KLHL3: variants seen among roughly 807,000 people sequenced by gnomAD.
The protein encoded by KLHL3 is kelch like family member 3.
KLHL3 carries 19 observed loss-of-function variants against 70.5 expected under a neutral mutation model. The observed-to-expected ratio is 0.27, with a 90% CI of 0.19 to 0.40. The LOEUF (loss-of-function observed/expected upper bound fraction) is 0.40, where lower values mean the gene tolerates loss of function less well. KLHL3 is among the 10% of genes least tolerant of loss of function. The probability of loss-of-function intolerance (pLI) is 1.00; values close to 1 mark genes in which losing one functional copy is unlikely to be tolerated. For missense variants in KLHL3, 512 were observed against 771.1 expected (o/e 0.66, Z 3.98); for synonymous variants, 258 against 290.3 (o/e 0.89, Z 1.13).
In KLHL3 at chr5:137,619,970, G is replaced by A. The variant is rs968716519; in HGVS notation, c.*2128C>T. On this transcript the variant is annotated 3_prime_UTR_variant, in exon 15 of 15. Coordinates refer to ENST00000309755, the MANE Select transcript of KLHL3 (RefSeq NM_017415.3). Reference sequence around the variant, plus strand: ...GAGCTTCTGTGAATGGCATACATCAGATCCCAACCCCAGCCTCATCCCCAT... The same window carrying A: ...GAGCTTCTGTGAATGGCATACATCAAATCCCAACCCCAGCCTCATCCCCAT... 6 of 152,100 alleles carry A rather than the reference G, an allele frequency of 3.9e-5. No homozygotes were observed. Among genetic ancestry groups the A allele is most frequent in the Admixed American group, 3.9e-4 (6 of 15,270 alleles). 9.4% of individuals were successfully genotyped at this position (152,100 alleles called of 1,614,324 possible).
chr5:137,724,415 T>C (rs1351056471), intron 1 of KLHL3, among the ~76,000 whole-genome samples: 1 of 152,250 alleles, frequency 6.6e-6, no homozygotes. Flanking sequence ...TGTTGCTCTT[T>C]GCACTTTCCA....
At chr5:137,631,639 A>G (rs557665864) in intron 12 of KLHL3, among the ~76,000 whole-genome samples, 1 of 152,298 alleles carries the variant, frequency 6.6e-6, no homozygotes, top group East Asian at 1.9e-4. Context: ...TTACTCAACC[A>G]CTGGCAGACC....
At chr5:137,720,693 G>A (rs772624634) in intron 1 of KLHL3, 109 bp from the exon 2 acceptor site, 4 of 1,559,026 alleles carry the variant, frequency 2.6e-6, no homozygotes, top group South Asian at 1.2e-5. Flanking sequence ...GCATCTATCA[G>A]CCTGTTCTCA....
chr5:137,671,659 A>G (rs1436570605), intron 6 of KLHL3: 1 of 152,224 alleles, frequency 6.6e-6, no homozygotes, highest in African/African-American at 2.4e-5. Context: ...TGTTGTGAGG[A>G]TTAGAAATGA....
At chr5:137,690,533 G>C (rs1445235749) in intron 5 of KLHL3, among the ~76,000 whole-genome samples, 1 of 152,120 alleles carries the variant, frequency 6.6e-6, no homozygotes, top group African/African-American at 2.4e-5. Context: ...TTCAGAGCCA[G>C]AAAGAATCAG....
intron 4 of KLHL3, among the ~76,000 whole-genome samples, chr5:137,696,347 T>C (rs979817883): frequency 2.0e-5 from 3 of 152,034 alleles, no homozygotes; most frequent in Non-Finnish European, 4.4e-5. Context: ...GGGGGGTATA[T>C]AGATGAACAG....
Position 137,677,647 on chromosome 5 carries a change from G to A in KLHL3, c.534C>T (p.His178=). 6.4e-7 allele frequency: 1 copy of A among 1,558,740 alleles called. No individual in the cohort carries two copies. The highest frequency in any genetic ancestry group is 8.7e-7 in the Non-Finnish European group (1 of 1,152,458). ...CTTCTCCTAGCATCACCTCTGGAAA[G>A]TGCTGCTCTGTTCCAAAAAAAAAAA... ...LQQANAYAEQ[H]FPEVMLGEEF... The change falls in exon 6 of 15, where the codon CAC becomes CAT. Residue 178 remains histidine, a synonymous_variant. Coordinates refer to ENST00000309755, the MANE Select transcript of KLHL3 (RefSeq NM_017415.3).
chr5:137,690,130 A>G (rs1174659962), intron 5 of KLHL3, among the ~76,000 whole-genome samples: 2 of 152,218 alleles, frequency 1.3e-5, no homozygotes, highest in African/African-American at 4.8e-5. Context: ...GATCGAGACC[A>G]TCTTGGCTAA....
At chr5:137,713,184 G>A (rs1253448314) in intron 2 of KLHL3, among the ~76,000 whole-genome samples, 1 of 149,348 alleles carries the variant, frequency 6.7e-6, no homozygotes, top group East Asian at 2.0e-4. Context: ...AAAGTGTGTA[G>A]CTGGGTGCAG....
intron 1 of KLHL3, among the ~76,000 whole-genome samples, chr5:137,725,956 A>T (rs1352978656): frequency 6.6e-6 from 1 of 152,192 alleles, no homozygotes; most frequent in Non-Finnish European, 1.5e-5. Context: ...AAGGATAGAC[A>T]TAGTTGGCCC....
chr5:137,670,294 C>T (rs1472195255), intron 6 of KLHL3, among the ~76,000 whole-genome samples: 1 of 151,972 alleles, frequency 6.6e-6, no homozygotes, highest in East Asian at 1.9e-4. Flanking sequence ...CCTAGATTCC[C>T]AGGATATGAC....
chr5:137,632,421 A>C (rs1028721730), intron 12 of KLHL3, among the ~76,000 whole-genome samples: 2 of 152,188 alleles, frequency 1.3e-5, no homozygotes, highest in Admixed American at 1.3e-4. Context: ...AAGACTCTCT[A>C]TTCAATAAAT....
intron 2 of KLHL3, among the ~76,000 whole-genome samples, chr5:137,718,957 T>C (rs1752947286): frequency 6.6e-6 from 1 of 152,234 alleles, no homozygotes; most frequent in Non-Finnish European, 1.5e-5. Flanking sequence ...AGAACTTTTG[T>C]TGAAAAGTAG....
chr5:137,625,570 ATC>A, intron 14 of KLHL3, among the ~76,000 whole-genome samples, 181 bp downstream of exon 14: 1 of 152,286 alleles, frequency 6.6e-6, no homozygotes, highest in South Asian at 2.1e-4. Flanking sequence ...AATTATCAAT[ATC>A]TGTCATGAGT....
In KLHL3 at chr5:137,709,344, T is replaced by A. The variant is rs187109452; in HGVS notation, c.241+406A>T. Among the ~76,000 whole-genome samples, 35 of 152,268 alleles carry A rather than the reference T, an allele frequency of 2.3e-4. 1 individual carries two copies. In the East Asian group the frequency reaches 3.3e-3, roughly 14 times the overall value. ...CTGGGCCAGGTGCCAGGAAGCCAAG[T>A]CCCACTCATTCACTGTGACCTTGGG... On this transcript the variant is annotated intron_variant, in intron 3 of 14. Coordinates refer to ENST00000309755, the MANE Select transcript of KLHL3 (RefSeq NM_017415.3).
chr5:137,638,317 C>A (rs988597653), intron 10 of KLHL3, among the ~76,000 whole-genome samples: 1 of 152,178 alleles, frequency 6.6e-6, no homozygotes, highest in African/African-American at 2.4e-5. Context: ...CTTTTTACCT[C>A]CCTGGGGGCC....
Position 137,677,649 on chromosome 5 carries a change from G to T in KLHL3, c.532C>A (p.His178Asn). ...LQQANAYAEQ[H>N]FPEVMLGEEF... ...TCTCCTAGCATCACCTCTGGAAAGT[G>T]CTGCTCTGTTCCAAAAAAAAAAAAA... Residue 178 changes from histidine (H) to asparagine (N), a missense_variant, in exon 6 of 15, where the codon CAC becomes AAC. Coordinates refer to ENST00000309755, the MANE Select transcript of KLHL3 (RefSeq NM_017415.3). The T allele has an allele frequency of 6.4e-7, 1 of 1,566,234 alleles. No homozygotes were observed. The highest frequency in any genetic ancestry group is 1.2e-5 in the South Asian group (1 of 84,256).
intron 2 of KLHL3, among the ~76,000 whole-genome samples, chr5:137,716,253 T>C (rs911943783): frequency 1.3e-5 from 2 of 152,128 alleles, no homozygotes; most frequent in Admixed American, 1.3e-4. Context: ...TCTCACTATG[T>C]TGCCCAGGCT....
chr5:137,722,013 C>A (rs1418678126), intron 1 of KLHL3, among the ~76,000 whole-genome samples: 3 of 152,186 alleles, frequency 2.0e-5, no homozygotes, highest in African/African-American at 7.2e-5. Flanking sequence ...CTTTGCTTTG[C>A]TACTAGGAAA....
Sources: allele counts gnomAD v4.1 joint callset (sites outside exome capture counted in the v4.1 genomes callset), GRCh38; gene constraint gnomAD v4.1.1; transcripts MANE v1.5; gene names NCBI Gene and HGNC (gene_info 2026-07-23, HGNC 2026-07-21).